Variants in SIPA1L3 observed in about 807,000 individuals in gnomAD.
SIPA1L3 encodes the protein signal-induced proliferation-associated 1-like protein 3.
A neutral mutation model predicts 150.1 loss-of-function variants in SIPA1L3; 59 were observed. That is an observed-to-expected ratio of 0.39 (90% confidence interval 0.32 to 0.49). The LOEUF is 0.49. Among genes scored for constraint, SIPA1L3 ranks in the 20% least tolerant of loss-of-function variants. The pLI, the probability that SIPA1L3 is intolerant of heterozygous loss-of-function variation, is 0.86. For missense variants in SIPA1L3, 2,211 were observed against 2,489.5 expected, an observed-to-expected ratio of 0.89 and a Z score of 2.38; for synonymous variants, 1,070 against 1,077.6, an observed-to-expected ratio of 0.99 and a Z score of 0.14.
rs369205375 is a variant in SIPA1L3, at chr19:38,100,090, G to C, written c.1794G>C (p.Leu598=). 34 of 1,611,648 alleles carry C rather than the reference G, an allele frequency of 2.1e-5. No individual in the cohort carries two copies. The Admixed American group carries it at 2.7e-4, about 13-fold the overall frequency. Residue 598 remains leucine, a synonymous_variant, in exon 5 of 22, where the codon CTG becomes CTC. Transcript: ENST00000222345. ...TCCCCGAGCTCAACATCCACTGCCT[G>C]CGGCTGGCCCTCAACACCCCCAAGG... ...YVIPELNIHC[L]RLALNTPKVT...
intron 1 of SIPA1L3, among the ~76,000 whole-genome samples, chr19:37,984,058 A>G (rs1190429359): frequency 6.6e-6 from 1 of 152,140 alleles, no homozygotes; most frequent in Admixed American, 6.6e-5. Flanking sequence ...AGTTGGGAGA[A>G]AGACCCAGCC....
Position 37,973,887 on chromosome 19 carries a change from C to G in SIPA1L3, c.-378-55202C>G, listed in dbSNP as rs1967008865. ...TGATGCTATATTGGAACTCTTGATT[C>G]TATGTGTCAGACTCCACCCTCGATC... On this transcript the variant is annotated intron_variant, in intron 1 of 21. Transcript: ENST00000222345. Among the ~76,000 whole-genome samples, 5 of 152,212 alleles carry G rather than the reference C, an allele frequency of 3.3e-5. No individual in the cohort carries two copies. The South Asian group carries it at 6.2e-4, about 19-fold the overall frequency.
chr19:38,066,563 C>T (rs996264971), intron 2 of SIPA1L3, among the ~76,000 whole-genome samples: 8 of 152,210 alleles, frequency 5.3e-5, no homozygotes, highest in African/African-American at 1.7e-4. Context: ...CGGTGGCTCA[C>T]GCCTGTAATC....
At chr19:37,913,232 G>C (rs2046390518) in intron 1 of SIPA1L3, among the ~76,000 whole-genome samples, 5 of 152,136 alleles carry the variant, frequency 3.3e-5, no homozygotes, top group Admixed American at 6.5e-5. Context: ...GCCCTGTGCA[G>C]TTAGCTACTA....
intron 8 of SIPA1L3, among the ~76,000 whole-genome samples, chr19:38,112,302 A>C (rs907444080): frequency 8.5e-5 from 13 of 152,072 alleles, no homozygotes; most frequent in African/African-American, 3.1e-4. Flanking sequence ...ACATACATGC[A>C]CACGCACACA....
At chr19:38,008,720 C>G (rs1968025715) in intron 1 of SIPA1L3, among the ~76,000 whole-genome samples, 1 of 151,926 alleles carries the variant, frequency 6.6e-6, no homozygotes, top group Non-Finnish European at 1.5e-5. Flanking sequence ...CCAGGCCTAG[C>G]TAATTTTTAA....
At chr19:38,096,298 G>A (rs1036701213) in intron 4 of SIPA1L3, among the ~76,000 whole-genome samples, 1 of 152,224 alleles carries the variant, frequency 6.6e-6, no homozygotes, top group East Asian at 1.9e-4. Flanking sequence ...CGCCTAGGCT[G>A]GAGTGCAGTG....
intron 2 of SIPA1L3, among the ~76,000 whole-genome samples, chr19:38,052,936 G>A (rs1035772973): frequency 4.6e-5 from 7 of 152,246 alleles, no homozygotes; most frequent in Non-Finnish European, 7.3e-5. Flanking sequence ...CACCGTGCCG[G>A]AGAGTTCTGG....
At chr19:38,034,215 T>G (rs1428847833) in intron 2 of SIPA1L3, among the ~76,000 whole-genome samples, 3 of 152,168 alleles carry the variant, frequency 2.0e-5, no homozygotes. Context: ...TGAGAGTATC[T>G]GTTGGGGTGG....
chr19:38,183,534 G>A (rs1276781480), intron 16 of SIPA1L3, among the ~76,000 whole-genome samples: 1 of 152,184 alleles, frequency 6.6e-6, no homozygotes, highest in Non-Finnish European at 1.5e-5. Context: ...GCTTGGGGAA[G>A]GCACAGTAGC....
At chr19:37,933,609 C>T (rs948194078) in intron 1 of SIPA1L3, among the ~76,000 whole-genome samples, 1 of 152,172 alleles carries the variant, frequency 6.6e-6, no homozygotes, top group African/African-American at 2.4e-5. Context: ...GATGGGTGGC[C>T]AGCCCCGTTT....
intron 1 of SIPA1L3, among the ~76,000 whole-genome samples, chr19:38,007,463 AAAAG>A (rs965126865): frequency 1.0e-4 from 15 of 144,178 alleles, no homozygotes; most frequent in Admixed American, 2.1e-4. Flanking sequence ...AAAAAAAAAA[AAAAG>A]AAAGAAAAGA....
In SIPA1L3 at chr19:37,983,486, C is replaced by T. The variant is rs118069732; in HGVS notation, c.-378-45603C>T. 7.3e-4 allele frequency among the ~76,000 whole-genome samples: 111 copies of T among 152,198 alleles called. No homozygotes were observed. In the East Asian group the frequency reaches 0.015, roughly 21 times the overall value. ...AAGAGTTAGCAGCTGCTCCTAGGCA[C>T]CGTGCAGTAGCGTTGACCATGAAGA... On this transcript the variant is annotated intron_variant, in intron 1 of 21. Transcript: ENST00000222345.
At chr19:38,051,110 G>A (rs1969188722) in intron 2 of SIPA1L3, among the ~76,000 whole-genome samples, 2 of 152,134 alleles carry the variant, frequency 1.3e-5, no homozygotes, top group Non-Finnish European at 2.9e-5. Context: ...CTGGCACATG[G>A]TAAATGCTAT....
At chr19:38,038,372 C>T (rs1015017699) in intron 2 of SIPA1L3, among the ~76,000 whole-genome samples, 1 of 152,054 alleles carries the variant, frequency 6.6e-6, no homozygotes, top group Admixed American at 6.6e-5. Flanking sequence ...GTGAGCAGAT[C>T]ACCTGTCAGG....
chr19:38,000,965 T>C lies in SIPA1L3; in HGVS notation c.-378-28124T>C, dbSNP rs57355056. Among the ~76,000 whole-genome samples, 106 of 94,626 alleles carry C rather than the reference T, an allele frequency of 1.1e-3. No homozygotes were observed. In the Middle Eastern group the frequency reaches 0.022, roughly 19 times the overall value. The allele number at this position is 94,626 out of a possible 152,430, so 62.1% of individuals were successfully genotyped here. On this transcript the variant is annotated intron_variant, in intron 1 of 21. Transcript: ENST00000222345. Reference sequence around the variant, plus strand: ...TAACATATAACACACATATAACACATATATAACATATATAACACACATATA... The same window carrying C: ...TAACATATAACACACATATAACACACATATAACATATATAACACACATATA...
At chr19:38,022,900 C>T (rs112640756) in intron 1 of SIPA1L3, among the ~76,000 whole-genome samples, 41 of 152,278 alleles carry the variant, frequency 2.7e-4, no homozygotes, top group Middle Eastern at 3.4e-3. Flanking sequence ...ACTGAGGTTA[C>T]CCTCTCTTCA....
At chr19:38,150,987 G>A (rs1012962346) in intron 12 of SIPA1L3, among the ~76,000 whole-genome samples, 1 of 152,176 alleles carries the variant, frequency 6.6e-6, no homozygotes, top group Non-Finnish European at 1.5e-5. Flanking sequence ...CAGGAGCAGG[G>A]CAGGTTCCAG....
chr19:37,938,694 A>G (rs1329015237), intron 1 of SIPA1L3, among the ~76,000 whole-genome samples: 1 of 128,464 alleles, frequency 7.8e-6, no homozygotes, highest in African/African-American at 3.1e-5. Flanking sequence ...TGTGATTTTG[A>G]TTCACTGCAA....
Sources: gnomAD v4.1 joint callset for allele counts (sites outside exome capture counted in the v4.1 genomes callset) on GRCh38, gnomAD v4.1.1 for gene constraint, MANE v1.5 for transcripts, NCBI Gene and HGNC (gene_info 2026-07-23, HGNC 2026-07-21) for gene names.